The following KLHL1 variants were observed in gnomAD, a reference collection of about 807,000 sequenced individuals.
KLHL1 encodes the protein kelch-like protein 1.
Under a neutral mutation model 77.7 loss-of-function variants are expected in KLHL1, and 47 were observed. That is an observed-to-expected ratio of 0.60 (90% confidence interval 0.48 to 0.77). KLHL1 has a LOEUF of 0.77. Ranked by LOEUF, KLHL1 falls within the 30% of genes least tolerant of loss-of-function variation. The pLI is 0.00. For synonymous variants in KLHL1, 360 were observed against 325.2 expected (o/e 1.11, Z -1.15); for missense variants, 925 against 910.8 (o/e 1.02, Z -0.20).
chr13:69,897,156 CA>C (rs1271449482), intron 4 of KLHL1, among the ~76,000 whole-genome samples: 1 of 152,110 alleles, frequency 6.6e-6, no homozygotes, highest in Non-Finnish European at 1.5e-5. Flanking sequence ...ACATTATTTA[CA>C]GAAAACTTTT....
chr13:69,778,999 C>T (rs1875982984), intron 7 of KLHL1, among the ~76,000 whole-genome samples: 2 of 151,824 alleles, frequency 1.3e-5, no homozygotes, highest in African/African-American at 4.8e-5. Context: ...AGGGTTTCAC[C>T]CTGTTAGTCA....
intron 1 of KLHL1, among the ~76,000 whole-genome samples, chr13:70,001,646 A>ATAACTAT (rs1384790278): frequency 5.4e-5 from 7 of 129,418 alleles, no homozygotes; most frequent in African/African-American, 2.0e-4. Context: ...AAACATTGGG[A>ATAACTAT]TATCTATCTA....
chr13:69,868,326 A>C (rs1334014019), intron 5 of KLHL1, among the ~76,000 whole-genome samples: 1 of 152,234 alleles, frequency 6.6e-6, no homozygotes, highest in Non-Finnish European at 1.5e-5. Context: ...TATAATCTGT[A>C]GTTTAAAATA....
At chr13:70,038,452 A>T (rs931894786) in intron 1 of KLHL1, among the ~76,000 whole-genome samples, 5 of 152,202 alleles carry the variant, frequency 3.3e-5, no homozygotes, top group Admixed American at 3.3e-4. Flanking sequence ...TGCTAAGAGT[A>T]TATTTACTAA....
chr13:69,800,017 C>A (rs532959144), intron 6 of KLHL1, among the ~76,000 whole-genome samples: 2 of 152,200 alleles, frequency 1.3e-5, no homozygotes, highest in Non-Finnish European at 2.9e-5. Context: ...ACAATTTCAC[C>A]CTGAAACCAA....
At chr13:69,893,297 C>G (rs1399832210) in intron 4 of KLHL1, among the ~76,000 whole-genome samples, 1 of 149,496 alleles carries the variant, frequency 6.7e-6, no homozygotes, top group African/African-American at 2.5e-5. Context: ...TGCAGTGGCG[C>G]AATCTCGGCT....
At chr13:69,847,121 T>C (rs916537207) in intron 5 of KLHL1, among the ~76,000 whole-genome samples, 8 of 151,378 alleles carry the variant, frequency 5.3e-5, no homozygotes, top group African/African-American at 1.9e-4. Context: ...CTGCTTGATA[T>C]TGTAAATAAC....
intron 8 of KLHL1, among the ~76,000 whole-genome samples, chr13:69,726,598 C>A (rs373498010): frequency 1.3e-5 from 2 of 152,082 alleles, no homozygotes; most frequent in Non-Finnish European, 2.9e-5. Context: ...GGTTCTGAAG[C>A]CTGATAGGGT....
chr13:69,947,029 TG>T (rs1334957841), intron 3 of KLHL1, among the ~76,000 whole-genome samples: 7 of 564 alleles, frequency 0.012, no homozygotes, highest in East Asian at 0.11. Flanking sequence ...GTGTGTGTGT[TG>T]TGTGTGTGTG....
At chr13:69,961,245 C>G in intron 3 of KLHL1, 63 bp downstream of exon 3, 2 of 1,507,526 alleles carry the variant, frequency 1.3e-6, no homozygotes, top group Non-Finnish European at 1.8e-6. Flanking sequence ...AAATCCTGTA[C>G]TTAAAGGAAA....
In KLHL1 at chr13:69,753,204, C is replaced by T. The variant is rs151314787; in HGVS notation, c.1640-12648G>A. ...ACTGTAATAAGTCTTAGGGACTCTT[C>T]TACTCAGTGAACCCAAACCTTCATA... On this transcript the variant is annotated intron_variant, in intron 7 of 10. Transcript: ENST00000377844. 1.8e-3 allele frequency among the ~76,000 whole-genome samples: 269 copies of T among 152,206 alleles called. 1 individual carries two copies. Among genetic ancestry groups the T allele is most frequent in the African/African-American group, 6.1e-3 (254 of 41,540 alleles).
intron 6 of KLHL1, among the ~76,000 whole-genome samples, chr13:69,831,080 GA>G (rs72493464): frequency 0.016 from 2,262 of 138,618 alleles, 200 homozygotes; most frequent in African/African-American, 0.057. Flanking sequence ...CCCAGTAGAA[GA>G]AAAAAAAAAT....
At chr13:69,714,427 G>A (rs1244977647) in intron 9 of KLHL1, among the ~76,000 whole-genome samples, 1 of 152,002 alleles carries the variant, frequency 6.6e-6, no homozygotes, top group East Asian at 1.9e-4. Flanking sequence ...TTATACCCAG[G>A]AAATCTGAAT....
intron 3 of KLHL1, among the ~76,000 whole-genome samples, chr13:69,954,600 C>T (rs181677570): frequency 2.0e-5 from 3 of 151,258 alleles, no homozygotes; most frequent in African/African-American, 7.3e-5. Context: ...AGATACATAA[C>T]CCTTACTCCT....
intron 1 of KLHL1, among the ~76,000 whole-genome samples, chr13:70,014,807 G>T (rs183162764): frequency 4.6e-5 from 7 of 152,142 alleles, no homozygotes; most frequent in Admixed American, 4.6e-4. Flanking sequence ...ATAAACAGAC[G>T]CTTGCTTTTG....
At chr13:69,723,241 C>T (rs1873149854) in intron 8 of KLHL1, among the ~76,000 whole-genome samples, 1 of 152,004 alleles carries the variant, frequency 6.6e-6, no homozygotes, top group Admixed American at 6.6e-5. Flanking sequence ...GGAGAAATAA[C>T]TTTTGGTACT....
At chr13:69,885,254 ATC>A (rs1881173302) in intron 4 of KLHL1, among the ~76,000 whole-genome samples, 1 of 151,790 alleles carries the variant, frequency 6.6e-6, no homozygotes, top group Non-Finnish European at 1.5e-5. Flanking sequence ...TTTTCTTTTT[ATC>A]TCTGCATCTA....
intron 5 of KLHL1, among the ~76,000 whole-genome samples, chr13:69,850,410 C>A (rs1217555661): frequency 6.6e-6 from 1 of 151,420 alleles, no homozygotes; most frequent in East Asian, 1.9e-4. Context: ...TAGCAAAGTT[C>A]TTTATCTCTT....
intron 3 of KLHL1, among the ~76,000 whole-genome samples, chr13:69,947,698 C>T (rs576935890): frequency 4.5e-4 from 68 of 152,040 alleles, no homozygotes; most frequent in African/African-American, 1.5e-3. Context: ...TGGACTATAT[C>T]CAATGAAAGA....
Sources: allele counts gnomAD v4.1 joint callset (sites outside exome capture counted in the v4.1 genomes callset), GRCh38; gene constraint gnomAD v4.1.1; transcripts MANE v1.5; gene names NCBI Gene and HGNC (gene_info 2026-07-23, HGNC 2026-07-21).